ITPR2: variants seen among roughly 807,000 people sequenced by gnomAD.
The protein encoded by ITPR2 is inositol 1,4,5-trisphosphate receptor type 2.
Under a neutral mutation model 317.1 loss-of-function variants are expected in ITPR2, and 207 were observed. The observed-to-expected ratio is 0.65, with a 90% CI of 0.58 to 0.73. The LOEUF (loss-of-function observed/expected upper bound fraction) is 0.73, where lower values mean the gene tolerates loss of function less well. ITPR2 is among the 30% of genes least tolerant of loss of function. The probability of loss-of-function intolerance (pLI) is 0.00; values close to 1 mark genes in which losing one functional copy is unlikely to be tolerated. For missense variants in ITPR2, 2,613 were observed against 3,284.0 expected, an observed-to-expected ratio of 0.80 and a Z score of 4.99; for synonymous variants, 1,156 against 1,149.1, an observed-to-expected ratio of 1.01 and a Z score of -0.12.
intron 23 of ITPR2, among the ~76,000 whole-genome samples, chr12:26,626,043 C>A (rs998788410): frequency 6.6e-6 from 1 of 152,172 alleles, no homozygotes; most frequent in Non-Finnish European, 1.5e-5. Flanking sequence ...CTCACTGCAG[C>A]GTCGACCTTC....
intron 2 of ITPR2, among the ~76,000 whole-genome samples, chr12:26,727,794 C>T (rs889291046): frequency 3.3e-5 from 5 of 152,304 alleles, no homozygotes; most frequent in East Asian, 1.9e-4. Flanking sequence ...CAACGATGCA[C>T]GTGGCCAATT....
intron 53 of ITPR2, among the ~76,000 whole-genome samples, chr12:26,399,316 T>C (rs1940098155): frequency 6.6e-6 from 1 of 152,252 alleles, no homozygotes; most frequent in South Asian, 2.1e-4. Flanking sequence ...TATGCCATTC[T>C]GCTAAATGCA....
intron 55 of ITPR2, among the ~76,000 whole-genome samples, chr12:26,384,601 G>A (rs1047502438): frequency 6.6e-6 from 1 of 152,182 alleles, no homozygotes; most frequent in Admixed American, 6.5e-5. Flanking sequence ...CTGGTAAAAT[G>A]CTGCTTTTAA....
In ITPR2 at chr12:26,739,326, C is replaced by T. The variant is rs149660548; in HGVS notation, c.164-13561G>A. Among the ~76,000 whole-genome samples the T allele has an allele frequency of 1.7e-3, 261 of 152,322 alleles. 1 individual carries two copies. Among genetic ancestry groups the T allele is most frequent in the African/African-American group, 5.9e-3 (247 of 41,578 alleles). On this transcript the variant is annotated intron_variant, in intron 2 of 56. Transcript: ENST00000381340. The stretch of plus-strand genomic sequence containing the variant: ...AGATGTCTACCCAAGAGAATTAGAA[C>T]ATATGTCCACACAAAGCATTGTATG...
In ITPR2 at chr12:26,689,113, T is replaced by C. The variant is rs189546159; in HGVS notation, c.997-2481A>G. 1.1e-3 allele frequency among the ~76,000 whole-genome samples: 165 copies of C among 152,266 alleles called. 1 individual carries two copies. Among genetic ancestry groups the C allele is most frequent in the African/African-American group, 3.8e-3 (156 of 41,570 alleles). ...CATCATGTTATATACCTTAACTATA[T>C]ACAGTTTTAAAATGAAAAAGAGGCC... On this transcript the variant is annotated intron_variant, in intron 10 of 56. Transcript: ENST00000381340.
At chr12:26,670,014 C>T (rs1209260894) in intron 13 of ITPR2, among the ~76,000 whole-genome samples, 1 of 152,234 alleles carries the variant, frequency 6.6e-6, no homozygotes, top group Non-Finnish European at 1.5e-5. Context: ...CCGCCATTGC[C>T]CAGGCTTGCT....
At chr12:26,445,255 G>A (rs1258528953) in intron 45 of ITPR2, among the ~76,000 whole-genome samples, 1 of 152,146 alleles carries the variant, frequency 6.6e-6, no homozygotes, top group African/African-American at 2.4e-5. Context: ...GATAAAATCA[G>A]GACTTTGGTT....
chr12:26,638,196 T>A (rs1211610742), intron 21 of ITPR2, among the ~76,000 whole-genome samples: 1 of 152,252 alleles, frequency 6.6e-6, no homozygotes, highest in Admixed American at 6.5e-5. Context: ...TGTCAAATAT[T>A]GACAAAGTCA....
intron 37 of ITPR2, among the ~76,000 whole-genome samples, chr12:26,499,939 A>G (rs1943033177): frequency 6.6e-6 from 1 of 152,226 alleles, no homozygotes; most frequent in Non-Finnish European, 1.5e-5. Flanking sequence ...TCTTGGTTCA[A>G]ACTTCAGAGT....
intron 21 of ITPR2, among the ~76,000 whole-genome samples, chr12:26,644,846 C>T (rs984362669): frequency 2.0e-5 from 3 of 152,168 alleles, no homozygotes; most frequent in Admixed American, 6.5e-5. Context: ...GAAATAATTG[C>T]TTGTTGTTTA....
intron 2 of ITPR2, among the ~76,000 whole-genome samples, chr12:26,787,283 T>C (rs555257363): frequency 3.3e-5 from 5 of 152,200 alleles, no homozygotes; most frequent in Admixed American, 6.5e-5. Flanking sequence ...CCAGTGATGA[T>C]TGTAGTAAGA....
intron 19 of ITPR2, 75 bp downstream of exon 19, chr12:26,656,222 T>C: frequency 6.4e-7 from 1 of 1,556,866 alleles, no homozygotes. Context: ...ACATGTTTCA[T>C]TTCAAAACTG....
At chr12:26,512,884 G>A (rs944156299) in intron 37 of ITPR2, among the ~76,000 whole-genome samples, 40 of 150,472 alleles carry the variant, frequency 2.7e-4, no homozygotes, top group African/African-American at 9.6e-4. Context: ...GTGCAGTGGC[G>A]CGATTTCGGC....
chr12:26,536,303 T>C (rs1944088301), intron 37 of ITPR2, among the ~76,000 whole-genome samples: 1 of 152,248 alleles, frequency 6.6e-6, no homozygotes, highest in Non-Finnish European at 1.5e-5. Flanking sequence ...TGTTCCCATC[T>C]GTTGGCAACA....
In ITPR2 at chr12:26,790,200, GT is replaced by G; in HGVS notation, c.119del (p.His40ProfsTer24). Reference sequence around the variant, plus strand: ...GGTTGGCAAGGTCCCCGGCCTCTGGGTGCACCACACATCTGTCATCCACTAA... The same window carrying G: ...GGTTGGCAAGGTCCCCGGCCTCTGGGGCACCACACATCTGTCATCCACTAA... ...LGLVDDRCVV[H>X]PEAGDLANPP... On this transcript the variant is annotated frameshift_variant, in exon 2 of 57. Transcript: ENST00000381340. LOFTEE classifies it high-confidence loss of function. 6.2e-7 allele frequency: 1 copy of G among 1,613,572 alleles called. No homozygotes were observed. Among genetic ancestry groups the G allele is most frequent in the African/African-American group, 1.3e-5 (1 of 74,884 alleles).
intron 2 of ITPR2, among the ~76,000 whole-genome samples, chr12:26,731,557 GA>G (rs1470013454): frequency 2.6e-5 from 4 of 152,182 alleles, no homozygotes; most frequent in Non-Finnish European, 4.4e-5. Flanking sequence ...AGCACTCTGG[GA>G]GGCTGATAAA....
At chr12:26,556,157 T>C in intron 36 of ITPR2, 76 bp downstream of exon 36, 1 of 1,425,352 alleles carries the variant, frequency 7.0e-7, no homozygotes, top group Non-Finnish European at 9.6e-7. Flanking sequence ...TTTATATCAG[T>C]GAAGTATAAA....
intron 43 of ITPR2, 100 bp from the exon 44 acceptor site, chr12:26,477,107 A>G: frequency 1.5e-6 from 1 of 668,332 alleles, no homozygotes; most frequent in Middle Eastern, 2.8e-4. Context: ...ACCTTTTTTA[A>G]TCAAACGGAA....
chr12:26,618,524 G>A (rs1591967631), intron 26 of ITPR2, among the ~76,000 whole-genome samples: 1 of 152,194 alleles, frequency 6.6e-6, no homozygotes, highest in African/African-American at 2.4e-5. Flanking sequence ...TCAAAAGTGG[G>A]AAAGTGAGAA....
Sources: allele counts gnomAD v4.1 joint callset (sites outside exome capture counted in the v4.1 genomes callset), GRCh38; gene constraint gnomAD v4.1.1; transcripts MANE v1.5; gene names NCBI Gene and HGNC (gene_info 2026-07-23, HGNC 2026-07-21).